Variants in CELF2 observed in about 807,000 individuals in gnomAD.
CELF2 encodes CUG triplet repeat RNA-binding protein 2.
CELF2 carries 8 observed loss-of-function variants against 62.6 expected under a neutral mutation model. The observed-to-expected ratio is 0.13, with a 90% CI of 0.07 to 0.23. CELF2 has a LOEUF of 0.23. Among genes scored for constraint, CELF2 ranks in the 10% least tolerant of loss-of-function variants. The probability of loss-of-function intolerance (pLI) is 1.00; values close to 1 mark genes in which losing one functional copy is unlikely to be tolerated. For synonymous variants in CELF2, 258 were observed against 250.0 expected (o/e 1.03, Z -0.30); for missense variants, 333 against 671.0 (o/e 0.50, Z 5.56).
At chr10:10,595,289 G>A in the CELF2 span, among the ~76,000 whole-genome samples, 2 of 150,718 alleles carry the variant, frequency 1.3e-5, no homozygotes, top group Non-Finnish European at 3.0e-5. Flanking sequence ...GACATACAAA[G>A]GGAGTAGGAA....
chr10:10,649,222 G>A, the CELF2 span, among the ~76,000 whole-genome samples: 15 of 152,100 alleles, frequency 9.9e-5, no homozygotes, highest in Non-Finnish European at 1.9e-4. Flanking sequence ...TTATCTAAAT[G>A]ATCTCATAAA....
At chr10:10,738,802 C>T in the CELF2 span, among the ~76,000 whole-genome samples, 2 of 152,146 alleles carry the variant, frequency 1.3e-5, no homozygotes, top group Non-Finnish European at 2.9e-5. Context: ...AACGTGATAT[C>T]TTGGATGGGA....
At chr10:11,221,653 A>G (rs1338198310) in intron 3 of CELF2, among the ~76,000 whole-genome samples, 1 of 152,262 alleles carries the variant, frequency 6.6e-6, no homozygotes, top group Non-Finnish European at 1.5e-5. Flanking sequence ...AGAGAGGAAT[A>G]CAGTTTTGAG....
At chr10:10,857,038 A>G (rs2059756706) in intron 1 of CELF2, among the ~76,000 whole-genome samples, 1 of 152,102 alleles carries the variant, frequency 6.6e-6, no homozygotes, top group South Asian at 2.1e-4. Flanking sequence ...GCTTTCTGAT[A>G]CCTTCTGGAC....
At chr10:10,771,983 T>C in the CELF2 span, among the ~76,000 whole-genome samples, 1 of 152,178 alleles carries the variant, frequency 6.6e-6, no homozygotes. Context: ...GCTATTTGTT[T>C]CTCTAGGTTC....
chr10:10,819,410 A>C (rs1241559808), intron 1 of CELF2, among the ~76,000 whole-genome samples: 1 of 152,192 alleles, frequency 6.6e-6, no homozygotes, highest in Non-Finnish European at 1.5e-5. Context: ...CACGAATTTT[A>C]GCATGAGTTT....
rs572919604 is a variant in CELF2, at chr10:10,925,980, A to G, written c.89+5981A>G. Among the ~76,000 whole-genome samples the G allele has an allele frequency of 2.6e-5, 4 of 152,226 alleles. No individual in the cohort carries two copies. The East Asian group carries it at 5.8e-4, about 22-fold the overall frequency. On this transcript the variant is annotated intron_variant, in intron 2 of 13. Coordinates refer to the CELF2 transcript ENST00000636488. ...ACCTTTTCTAATGCATCTACCACTC[A>G]TAGCCTGTGACTGAGTTCTTTCCTG...
intron 1 of CELF2, among the ~76,000 whole-genome samples, chr10:10,805,730 G>A (rs1171384213): frequency 6.6e-6 from 1 of 152,168 alleles, no homozygotes; most frequent in Non-Finnish European, 1.5e-5. Flanking sequence ...GAGGAGCCCG[G>A]CTGGAGTTTG....
chr10:10,620,060 A>G, the CELF2 span, among the ~76,000 whole-genome samples: 1 of 152,174 alleles, frequency 6.6e-6, no homozygotes, highest in East Asian at 1.9e-4. Context: ...AAGGAAATGA[A>G]TTCCATATTA....
chr10:11,148,954 A>G (rs2062786618), intron 1 of CELF2, among the ~76,000 whole-genome samples: 1 of 152,110 alleles, frequency 6.6e-6, no homozygotes, highest in Admixed American at 6.5e-5. Context: ...CTCTGGTATC[A>G]CTAGGGACCT....
chr10:11,143,268 A>C (rs965944616), intron 1 of CELF2, among the ~76,000 whole-genome samples: 3 of 152,148 alleles, frequency 2.0e-5, no homozygotes, highest in Admixed American at 6.5e-5. Context: ...TCACAGTTCT[A>C]ATATCCAGTT....
rs1183237777 is a variant in CELF2, at chr10:11,243,080, G to T, written c.355-6073G>T. ...TGAAAGCCCAAGCAGACCCCTGAAG[G>T]ACTATATCTCTGTGTGCCGAGATGC... On this transcript the variant is annotated intron_variant, in intron 3 of 12. Coordinates refer to ENST00000633077, the MANE Select transcript of CELF2 (RefSeq NM_001326342.2). This position sits in a 1 kb window ranked among gnomAD's most constrained non-coding sequence, Gnocchi z 4.1. 1.3e-5 allele frequency among the ~76,000 whole-genome samples: 2 copies of T among 152,102 alleles called. No homozygotes were observed. The highest frequency in any genetic ancestry group is 4.8e-5 in the African/African-American group (2 of 41,416).
intron 1 of CELF2, among the ~76,000 whole-genome samples, chr10:10,839,855 C>G (rs191026510): frequency 2.9e-3 from 441 of 152,320 alleles, no homozygotes; most frequent in Non-Finnish European, 4.0e-3. Context: ...AAAAATTCCT[C>G]TGTGCTTCAC....
intron 2 of CELF2, among the ~76,000 whole-genome samples, chr10:10,935,979 G>T (rs368298327): frequency 2.7e-5 from 4 of 149,318 alleles, no homozygotes; most frequent in Non-Finnish European, 5.9e-5. Flanking sequence ...TGGTGAAACC[G>T]CATCTCTACT....
intron 1 of CELF2, among the ~76,000 whole-genome samples, chr10:11,053,965 G>A (rs1357257125): frequency 1.3e-5 from 2 of 151,960 alleles, no homozygotes; most frequent in Admixed American, 1.3e-4. Flanking sequence ...TTTTATTAAT[G>A]ATATTATTAC....
chr10:11,143,029 T>G (rs943638598), intron 1 of CELF2, among the ~76,000 whole-genome samples: 4 of 150,774 alleles, frequency 2.7e-5, no homozygotes, highest in African/African-American at 9.8e-5. Context: ...CCCCTTGTGA[T>G]TCTTCTGTCC....
intron 1 of CELF2, among the ~76,000 whole-genome samples, chr10:11,032,277 A>C (rs1208570329): frequency 6.6e-6 from 1 of 152,062 alleles, no homozygotes; most frequent in Non-Finnish European, 1.5e-5. Context: ...TGTAGACACA[A>C]GATGAGACCC....
chr10:10,685,545 A>G, the CELF2 span, among the ~76,000 whole-genome samples: 1 of 152,206 alleles, frequency 6.6e-6, no homozygotes, highest in Non-Finnish European at 1.5e-5. Context: ...TGTATTTTAG[A>G]TAGATTGCAA....
the CELF2 span, among the ~76,000 whole-genome samples, chr10:10,523,796 G>C: frequency 6.6e-6 from 1 of 152,174 alleles, no homozygotes. Flanking sequence ...GGTTGTGCAG[G>C]GGTGGGGAGA....
Sources: allele counts gnomAD v4.1 joint callset (sites outside exome capture counted in the v4.1 genomes callset), GRCh38; gene constraint gnomAD v4.1.1; non-coding constraint Gnocchi (gnomAD v3.1); transcripts MANE v1.5; gene names NCBI Gene and HGNC (gene_info 2026-07-23, HGNC 2026-07-21).